The following ROBO1 variants were observed in gnomAD, a reference collection of about 807,000 sequenced individuals.
ROBO1 encodes the protein roundabout guidance receptor 1.
A neutral mutation model predicts 195.9 loss-of-function variants in ROBO1; 149 were observed. That is an observed-to-expected ratio of 0.76 (90% confidence interval 0.67 to 0.87). The LOEUF (loss-of-function observed/expected upper bound fraction) is 0.87, where lower values mean the gene tolerates loss of function less well. Among genes scored for constraint, ROBO1 ranks in the 40% least tolerant of loss-of-function variants. ROBO1 has a pLI of 0.00. For missense variants in ROBO1, 1,933 were observed against 2,068.3 expected, an observed-to-expected ratio of 0.93 and a Z score of 1.27; for synonymous variants, 816 against 733.2, an observed-to-expected ratio of 1.11 and a Z score of -1.82.
chr3:79,581,153 T>A (rs577081169), intron 2 of ROBO1, among the ~76,000 whole-genome samples: 1 of 148,500 alleles, frequency 6.7e-6, no homozygotes, highest in Non-Finnish European at 1.5e-5. Context: ...TTATTTTATT[T>A]TTTTTACCAA....
chr3:79,539,142 C>T (rs937577774), intron 2 of ROBO1, among the ~76,000 whole-genome samples: 1 of 152,112 alleles, frequency 6.6e-6, no homozygotes, highest in Non-Finnish European at 1.5e-5. Flanking sequence ...TCATGGCAAA[C>T]AAATTCCTTA....
At chr3:78,757,731 T>C (rs1020680030) in intron 4 of ROBO1, among the ~76,000 whole-genome samples, 1 of 151,982 alleles carries the variant, frequency 6.6e-6, no homozygotes, top group Non-Finnish European at 1.5e-5. Flanking sequence ...AATTATAACA[T>C]CCCCTCCCCA....
intron 3 of ROBO1, among the ~76,000 whole-genome samples, chr3:78,993,429 T>TAAATAA (rs1247270955): frequency 2.6e-5 from 4 of 152,150 alleles, no homozygotes; most frequent in Non-Finnish European, 5.9e-5. Context: ...TAGGCAGGAA[T>TAAATAA]ACAAAGGCCT....
chr3:78,765,077 T>C lies in ROBO1; in HGVS notation c.500-18177A>G, dbSNP rs181920855. On this transcript the variant is annotated intron_variant, in intron 4 of 30. Coordinates refer to ENST00000464233, the MANE Select transcript of ROBO1 (RefSeq NM_002941.4). ...TTTTAGACCTTTGGTTTTATTGTTG[T>C]TGCTGAATTTTTAAAAAGTAAGGTA... Among the ~76,000 whole-genome samples, 1,440 of 152,258 alleles carry C rather than the reference T, an allele frequency of 9.5e-3. 7 individuals carry two copies. Among genetic ancestry groups the C allele is most frequent in the Non-Finnish European group, 0.016 (1,058 of 68,008 alleles).
At chr3:79,267,429 A>C (rs2030065179) in intron 2 of ROBO1, among the ~76,000 whole-genome samples, 1 of 151,442 alleles carries the variant, frequency 6.6e-6, no homozygotes, top group Admixed American at 6.6e-5. Flanking sequence ...ATAGGTTTTA[A>C]AATTGTACCT....
At chr3:79,412,874 A>ATT (rs1167482550) in intron 2 of ROBO1, among the ~76,000 whole-genome samples, 2,991 of 38,258 alleles carry the variant, frequency 0.078, 745 homozygotes, top group Non-Finnish European at 0.097. Flanking sequence ...TCATGAGCTG[A>ATT]TTTTTTTTTT....
At chr3:79,322,495 C>G (rs1464710100) in intron 2 of ROBO1, among the ~76,000 whole-genome samples, 1 of 152,162 alleles carries the variant, frequency 6.6e-6, no homozygotes, top group Non-Finnish European at 1.5e-5. Context: ...ATCACATAGA[C>G]TAGGAAAAGG....
At chr3:79,024,150 G>T (rs2108283385) in intron 3 of ROBO1, among the ~76,000 whole-genome samples, 1 of 152,312 alleles carries the variant, frequency 6.6e-6, no homozygotes, top group Non-Finnish European at 1.5e-5. Flanking sequence ...ACTCAACTTT[G>T]CTGTGGAATT....
At chr3:79,684,547 A>T (rs992134569) in intron 1 of ROBO1, among the ~76,000 whole-genome samples, 2 of 151,988 alleles carry the variant, frequency 1.3e-5, no homozygotes, top group African/African-American at 4.8e-5. Flanking sequence ...CAATGTCTGA[A>T]CTTCCTCAGG....
intron 4 of ROBO1, among the ~76,000 whole-genome samples, chr3:78,920,449 C>T (rs1450820231): frequency 6.6e-6 from 1 of 151,746 alleles, no homozygotes; most frequent in Non-Finnish European, 1.5e-5. Context: ...GGATTACAGG[C>T]AGGTGCCACC....
chr3:79,422,504 T>C (rs2038269030), intron 2 of ROBO1, among the ~76,000 whole-genome samples: 2 of 152,124 alleles, frequency 1.3e-5, no homozygotes, highest in African/African-American at 4.8e-5. Context: ...GATGTACTAA[T>C]TAGTTAAACC....
intron 2 of ROBO1, among the ~76,000 whole-genome samples, chr3:79,434,336 C>A (rs1464723862): frequency 2.6e-5 from 4 of 152,112 alleles, no homozygotes; most frequent in Non-Finnish European, 4.4e-5. Context: ...GGGCTAATAT[C>A]CAGAATTTAC....
In ROBO1 at chr3:79,448,023, G is replaced by A. The variant is rs558185924; in HGVS notation, c.88+141801C>T. Among the ~76,000 whole-genome samples the A allele has an allele frequency of 2.0e-5, 3 of 152,136 alleles. No individual in the cohort carries two copies. The East Asian group carries it at 5.8e-4, about 29-fold the overall frequency. On this transcript the variant is annotated intron_variant, in intron 2 of 30. Transcript: ENST00000464233. ...ATAATGTTTACTGAGTTGTTATAAT[G>A]TAACCTGTTAGTACTCTTTTTGGTA...
intron 1 of ROBO1, among the ~76,000 whole-genome samples, chr3:79,733,607 T>A (rs183186694): frequency 6.6e-6 from 1 of 152,344 alleles, no homozygotes; most frequent in Admixed American, 6.5e-5. Context: ...CTATTTCCTT[T>A]CTTATTCCTC....
intron 1 of ROBO1, among the ~76,000 whole-genome samples, chr3:79,661,671 G>A (rs1946332242): frequency 6.6e-6 from 1 of 151,678 alleles, no homozygotes; most frequent in African/African-American, 2.4e-5. Context: ...ACAGAGACAG[G>A]TGTACATTTA....
chr3:79,660,478 T>C (rs751196185), intron 1 of ROBO1, among the ~76,000 whole-genome samples: 240 of 152,078 alleles, frequency 1.6e-3, no homozygotes, highest in Middle Eastern at 6.3e-3. Flanking sequence ...GTGTTTCCTC[T>C]TTCTGCAAAC....
At chr3:79,005,434 T>C (rs1486719445) in intron 3 of ROBO1, among the ~76,000 whole-genome samples, 1 of 152,118 alleles carries the variant, frequency 6.6e-6, no homozygotes, top group Non-Finnish European at 1.5e-5. Context: ...AAAAACAAAT[T>C]CTATGTATTT....
At chr3:79,561,111 T>A (rs1381460456) in intron 2 of ROBO1, among the ~76,000 whole-genome samples, 2 of 152,106 alleles carry the variant, frequency 1.3e-5, no homozygotes, top group African/African-American at 4.8e-5. Context: ...AAAAAAAATA[T>A]ATGACCTTCT....
At chr3:79,107,127 T>TCTCA (rs1370578718) in intron 3 of ROBO1, among the ~76,000 whole-genome samples, 154 of 136,458 alleles carry the variant, frequency 1.1e-3, no homozygotes, top group African/African-American at 3.2e-3. Context: ...TCTCTCTCTC[T>TCTCA]CACACACACA....
Sources: allele counts gnomAD v4.1 joint callset (sites outside exome capture counted in the v4.1 genomes callset), GRCh38; gene constraint gnomAD v4.1.1; transcripts MANE v1.5; gene names NCBI Gene and HGNC (gene_info 2026-07-23, HGNC 2026-07-21).